The following DDR2 variants were observed in gnomAD, a reference collection of about 807,000 sequenced individuals.
DDR2 encodes the protein discoidin domain receptor tyrosine kinase 2, also known as discoidin domain-containing receptor 2.
DDR2 carries 27 observed loss-of-function variants against 94.9 expected under a neutral mutation model. That is an observed-to-expected ratio of 0.28 (90% CI 0.21 to 0.39). The LOEUF is 0.39. DDR2 is among the 10% of genes least tolerant of loss of function. The pLI, the probability that DDR2 is intolerant of heterozygous loss-of-function variation, is 1.00. For missense variants in DDR2, 783 were observed against 1,076.0 expected, an observed-to-expected ratio of 0.73 and a Z score of 3.81; for synonymous variants, 382 against 377.2, an observed-to-expected ratio of 1.01 and a Z score of -0.15.
intron 2 of DDR2, among the ~76,000 whole-genome samples, chr1:162,670,257 T>C (rs1184634451): frequency 6.6e-6 from 1 of 152,142 alleles, no homozygotes; most frequent in Non-Finnish European, 1.5e-5. Flanking sequence ...ATTACAGGCA[T>C]GCGCCACCAT....
At chr1:162,746,074 A>T (rs1662845845) in intron 3 of DDR2, among the ~76,000 whole-genome samples, 1 of 152,150 alleles carries the variant, frequency 6.6e-6, no homozygotes, top group Non-Finnish European at 1.5e-5. Context: ...AAGATGGGTG[A>T]TTTCTGCATT....
chr1:162,675,764 G>A (rs1317384152), intron 2 of DDR2, among the ~76,000 whole-genome samples: 1 of 152,190 alleles, frequency 6.6e-6, no homozygotes, highest in Non-Finnish European at 1.5e-5. Flanking sequence ...ACCCTATTGG[G>A]TTGAGTTTTA....
At position 162,780,637 on chromosome 1, in the gene DDR2, A is replaced by G. The variant is rs1571331026; in HGVS notation, c.*391A>G. The G allele has an allele frequency of 5.1e-6, 1 of 196,294 alleles. No individual in the cohort carries two copies. The highest frequency in any genetic ancestry group is 1.3e-4 in the East Asian group (1 of 7,926). 12.2% of individuals were successfully genotyped at this position (196,294 alleles called of 1,614,324 possible). On this transcript the variant is annotated 3_prime_UTR_variant, in exon 18 of 18. Coordinates refer to ENST00000367921, the MANE Select transcript of DDR2 (RefSeq NM_006182.4). ...TTCTAAAAGAATCTTCAGAAAGAAA[A>G]ACTTGAAGAATACTAATGTCTTGGG...
At position 162,693,337 on chromosome 1, in the gene DDR2, C is replaced by G. The variant is rs79412706; in HGVS notation, c.-27-25700C>G. Among the ~76,000 whole-genome samples, 728 of 152,254 alleles carry G rather than the reference C, an allele frequency of 4.8e-3. 5 individuals are homozygous for G. The highest frequency in any genetic ancestry group is 0.01 in the Middle Eastern group (3 of 294). ...TCTTACATTTTTATTAGCTAAAAAGCAAAGGAGCTTCTGCATGAAAGTATT... is the reference window on the plus strand; with the variant it reads ...TCTTACATTTTTATTAGCTAAAAAGGAAAGGAGCTTCTGCATGAAAGTATT... On this transcript the variant is annotated intron_variant, in intron 2 of 17. Coordinates refer to ENST00000367921, the MANE Select transcript of DDR2 (RefSeq NM_006182.4).
chr1:162,727,137 A>G (rs1249592733), intron 3 of DDR2, among the ~76,000 whole-genome samples: 1 of 144,318 alleles, frequency 6.9e-6, no homozygotes, highest in Non-Finnish European at 1.5e-5. Flanking sequence ...AAATATAAAC[A>G]TATATTTATA....
intron 3 of DDR2, among the ~76,000 whole-genome samples, chr1:162,732,875 A>G (rs1252551631): frequency 6.6e-6 from 1 of 152,228 alleles, no homozygotes; most frequent in Non-Finnish European, 1.5e-5. Context: ...ATAGTATGAA[A>G]AATAATTCTT....
intron 3 of DDR2, among the ~76,000 whole-genome samples, chr1:162,734,708 C>T (rs1358064272): frequency 6.6e-6 from 1 of 152,068 alleles, no homozygotes; most frequent in Non-Finnish European, 1.5e-5. Flanking sequence ...CTGGAAGATA[C>T]TTTGTGCATT....
At chr1:162,699,201 A>C (rs980454493) in intron 2 of DDR2, among the ~76,000 whole-genome samples, 1 of 152,218 alleles carries the variant, frequency 6.6e-6, no homozygotes, top group African/African-American at 2.4e-5. Context: ...TGAATTTCTC[A>C]ATGCCTTCTG....
intron 2 of DDR2, among the ~76,000 whole-genome samples, chr1:162,675,014 C>T (rs1659060907): frequency 2.0e-5 from 3 of 151,918 alleles, no homozygotes; most frequent in Non-Finnish European, 4.4e-5. Context: ...AAAAACTAGC[C>T]GGGCATGGTG....
chr1:162,766,675 C>T (rs1007818835), intron 10 of DDR2, among the ~76,000 whole-genome samples: 1 of 152,118 alleles, frequency 6.6e-6, no homozygotes, highest in African/African-American at 2.4e-5. Flanking sequence ...CACCATTACT[C>T]TGTCTGACAC....
At chr1:162,712,226 C>T (rs150518030) in intron 2 of DDR2, among the ~76,000 whole-genome samples, 21 of 147,966 alleles carry the variant, frequency 1.4e-4, no homozygotes, top group Middle Eastern at 3.4e-3. Flanking sequence ...ATTCCTGGCT[C>T]ATCCATGAGC....
intron 2 of DDR2, among the ~76,000 whole-genome samples, chr1:162,676,394 T>A (rs1212427743): frequency 1.3e-5 from 2 of 152,196 alleles, no homozygotes; most frequent in African/African-American, 4.8e-5. Context: ...CTGTTGTTAT[T>A]AGTTTATATA....
rs775988877 is a variant in DDR2, at chr1:162,753,097, A to C, written c.85A>C (p.Ile29Leu). 1 of 1,613,274 alleles carries C rather than the reference A, an allele frequency of 6.2e-7. No individual in the cohort carries two copies. The highest frequency in any genetic ancestry group is 8.5e-7 in the Non-Finnish European group (1 of 1,179,462). ...SSAKAQVNPAICRYPLGMSGG... is the reference protein window; with the variant it reads ...SSAKAQVNPALCRYPLGMSGG... The stretch of plus-strand genomic sequence containing the variant: ...CTCTTTGGTTTCTCTTGGTCTAGCT[A>C]TATGCCGCTATCCTCTGGGCATGTC... Residue 29 changes from isoleucine to leucine, a missense_variant and splice_region_variant, in exon 4 of 18, where the codon ATA becomes CTA. Transcript: ENST00000367921.
chr1:162,694,561 C>A (rs1252102728), intron 2 of DDR2, among the ~76,000 whole-genome samples: 1 of 152,086 alleles, frequency 6.6e-6, no homozygotes, highest in Non-Finnish European at 1.5e-5. Context: ...CTATCGTTGC[C>A]CCGTCATATC....
chr1:162,736,701 T>C (rs1242749272), intron 3 of DDR2, among the ~76,000 whole-genome samples: 2 of 152,248 alleles, frequency 1.3e-5, no homozygotes, highest in Non-Finnish European at 2.9e-5. Flanking sequence ...CCAGTTAAAC[T>C]ATGACACTAT....
intron 3 of DDR2, among the ~76,000 whole-genome samples, chr1:162,724,042 A>G (rs1363049042): frequency 2.0e-5 from 3 of 152,228 alleles, no homozygotes; most frequent in Non-Finnish European, 2.9e-5. Flanking sequence ...TCAGGCAACT[A>G]GAATTCTAGA....
chr1:162,700,037 C>T (rs953733196), intron 2 of DDR2, among the ~76,000 whole-genome samples: 1 of 152,202 alleles, frequency 6.6e-6, no homozygotes, highest in African/African-American at 2.4e-5. Flanking sequence ...TCAAACAAAG[C>T]ATCTGCAACT....
chr1:162,745,188 T>G (rs1371742546), intron 3 of DDR2, among the ~76,000 whole-genome samples: 4 of 152,248 alleles, frequency 2.6e-5, no homozygotes, highest in Non-Finnish European at 4.4e-5. Flanking sequence ...ATCATATTTT[T>G]TGTTTCCTAT....
At chr1:162,731,284 C>G (rs757687659) in intron 3 of DDR2, among the ~76,000 whole-genome samples, 2 of 152,132 alleles carry the variant, frequency 1.3e-5, no homozygotes, top group Non-Finnish European at 2.9e-5. Context: ...AAGTTGAAAC[C>G]CATCATCAGC....
Sources: allele counts gnomAD v4.1 joint callset (sites outside exome capture counted in the v4.1 genomes callset), GRCh38; gene constraint gnomAD v4.1.1; transcripts MANE v1.5; gene names NCBI Gene and HGNC (gene_info 2026-07-23, HGNC 2026-07-21).